The following WDR33 variants were observed in gnomAD, a reference collection of about 807,000 sequenced individuals.
The protein encoded by WDR33 is pre-mRNA 3' end processing protein WDR33.
WDR33 carries 47 observed loss-of-function variants against 164.9 expected under a neutral mutation model. The ratio of observed to expected loss-of-function variants is 0.29; its 90% CI spans 0.23 to 0.36. WDR33 has a LOEUF of 0.36. WDR33 is among the 10% of genes least tolerant of loss of function. The probability of loss-of-function intolerance (pLI) is 1.00; values close to 1 mark genes in which losing one functional copy is unlikely to be tolerated. For missense variants in WDR33, 1,137 were observed against 1,754.1 expected, an observed-to-expected ratio of 0.65 and a Z score of 6.28; for synonymous variants, 505 against 589.0, an observed-to-expected ratio of 0.86 and a Z score of 2.06.
intron 7 of WDR33, among the ~76,000 whole-genome samples, chr2:127,757,868 T>G (rs1687565205): frequency 6.6e-6 from 1 of 152,142 alleles, no homozygotes; most frequent in Non-Finnish European, 1.5e-5. Flanking sequence ...AAGATCTTTG[T>G]GTAGACAGCA....
At chr2:127,792,273 C>G (rs182662815) in intron 1 of WDR33, among the ~76,000 whole-genome samples, 92 of 152,120 alleles carry the variant, frequency 6.0e-4, no homozygotes, top group African/African-American at 2.1e-3. Context: ...GAAAACAGTT[C>G]TGACCTCACT....
chr2:127,717,211 C>T lies in WDR33; in HGVS notation c.2813G>A (p.Gly938Glu), dbSNP rs886293482. 5 of 1,609,230 alleles carry T rather than the reference C, an allele frequency of 3.1e-6. No individual in the cohort carries two copies. The highest frequency in any genetic ancestry group is 4.2e-6 in the Non-Finnish European group (5 of 1,177,742). ...CAGAGGGGGAATGCGACCTTGTGCTCCCTGCTGCCCTAGGCCTGGTATCAG... is the reference window on the plus strand; with the variant it reads ...CAGAGGGGGAATGCGACCTTGTGCTTCCTGCTGCCCTAGGCCTGGTATCAG... ...PPLIPGLGQQ[G>E]AQGRIPPLNP... Residue 938 changes from glycine to glutamate, a missense_variant, in exon 17 of 22, where the codon GGA becomes GAA. Physicochemically the swap from Gly to Glu is moderately conservative, Grantham distance 98 (BLOSUM62 -2). This residue lies in a region of WDR33 where 867 missense variants were observed against 1,073.0 expected (regional missense o/e 0.81). Coordinates refer to ENST00000322313, the MANE Select transcript of WDR33 (RefSeq NM_018383.5). This position sits in a 1 kb window ranked among gnomAD's most constrained non-coding sequence, Gnocchi z 5.6.
intron 7 of WDR33, among the ~76,000 whole-genome samples, chr2:127,754,880 G>T (rs972599419): frequency 5.3e-5 from 8 of 151,868 alleles, no homozygotes; most frequent in Non-Finnish European, 7.4e-5. Flanking sequence ...AACTATAATC[G>T]CAAGTCTCTT....
In WDR33 at chr2:127,712,239, A is replaced by C. The variant is rs1686199616; in HGVS notation, c.3308+1344T>G. 6.6e-6 allele frequency among the ~76,000 whole-genome samples: 1 copy of C among 152,064 alleles called. No individual in the cohort carries two copies. Among genetic ancestry groups the C allele is most frequent in the Non-Finnish European group, 1.5e-5 (1 of 67,986 alleles). ...TGGTGAAACCTCATCTCTACTAAAA[A>C]TACAAAAATTAGCCAGGCAAGGTGG... On this transcript the variant is annotated intron_variant, in intron 18 of 21. Coordinates refer to ENST00000322313, the MANE Select transcript of WDR33 (RefSeq NM_018383.5). This position sits in a 1 kb window ranked among gnomAD's most constrained non-coding sequence, Gnocchi z 4.0.
chr2:127,799,419 G>A lies in WDR33; in HGVS notation c.-24+11593C>T, dbSNP rs772286716. Among the ~76,000 whole-genome samples the A allele has an allele frequency of 1.7e-4, 26 of 152,212 alleles. 3 individuals are homozygous for A. The highest frequency in any genetic ancestry group is 5.8e-4 in the African/African-American group (24 of 41,502). On this transcript the variant is annotated intron_variant, in intron 1 of 21. Coordinates refer to ENST00000322313, the MANE Select transcript of WDR33 (RefSeq NM_018383.5). ...GATGAGACTTGCATCCAGAATACAC[G>A]AAGAACTCTTAAAACTCAATAATAA...
Position 127,763,378 on chromosome 2 carries a change from A to G in WDR33, c.627-219T>C. On this transcript the variant is annotated intron_variant, in intron 6 of 21. Coordinates refer to ENST00000322313, the MANE Select transcript of WDR33 (RefSeq NM_018383.5). The surrounding 1 kb of genome is among the most constrained non-coding windows in gnomAD (Gnocchi z 4.5). ...GTTGTTTGAGTTTTCAATCATCAGTATTCTGAGAACTTCAAGTGTGTATTA... is the reference window on the plus strand; with the variant it reads ...GTTGTTTGAGTTTTCAATCATCAGTGTTCTGAGAACTTCAAGTGTGTATTA... The G allele has an allele frequency of 1.5e-6, 2 of 1,375,940 alleles. No homozygotes were observed. The highest frequency in any genetic ancestry group is 1.9e-6 in the Non-Finnish European group (2 of 1,063,382). The allele number at this position is 1,375,940 out of a possible 1,614,324, so 85.2% of individuals were successfully genotyped here.
At position 127,723,240 on chromosome 2, in the gene WDR33, G is replaced by T. The variant is rs1366799256; in HGVS notation, c.1291+13C>A. 1 of 1,607,252 alleles carries T rather than the reference G, an allele frequency of 6.2e-7. No individual in the cohort carries two copies. Among genetic ancestry groups the T allele is most frequent in the Admixed American group, 1.7e-5 (1 of 59,752 alleles). On this transcript the variant is annotated intron_variant, in intron 12 of 21. Coordinates refer to ENST00000322313, the MANE Select transcript of WDR33 (RefSeq NM_018383.5). This position sits in a 1 kb window ranked among gnomAD's most constrained non-coding sequence, Gnocchi z 5.9. ...CCAGATTTCAAAGAAGGACAGATGT[G>T]CAAGAGTCTCACCATATTCTACTCC...
chr2:127,798,264 G>A (rs551882581), intron 1 of WDR33, among the ~76,000 whole-genome samples: 3 of 151,008 alleles, frequency 2.0e-5, no homozygotes, highest in South Asian at 4.2e-4. Flanking sequence ...GCTACCAGGG[G>A]GGCTGAGGCA....
Position 127,770,329 on chromosome 2 carries a change from G to A in WDR33, c.204+449C>T, listed in dbSNP as rs181331430. Among the ~76,000 whole-genome samples the A allele has an allele frequency of 2.7e-3, 411 of 152,218 alleles. 4 individuals are homozygous for A. The highest frequency in any genetic ancestry group is 1.5e-3 in the Non-Finnish European group (101 of 68,018). On this transcript the variant is annotated intron_variant, in intron 2 of 21. Coordinates refer to ENST00000322313, the MANE Select transcript of WDR33 (RefSeq NM_018383.5). This position sits in a 1 kb window ranked among gnomAD's most constrained non-coding sequence, Gnocchi z 4.9. Reference sequence around the variant, plus strand: ...AAATTAGCCAATTTGAAATTCCACCGTGTCCCACTAATTCAACTAACACAG... The same window carrying A: ...AAATTAGCCAATTTGAAATTCCACCATGTCCCACTAATTCAACTAACACAG...
intron 1 of WDR33, among the ~76,000 whole-genome samples, chr2:127,778,788 G>C (rs1162761044): frequency 3.9e-5 from 6 of 152,228 alleles, no homozygotes; most frequent in African/African-American, 1.4e-4. Flanking sequence ...AATTCACTCA[G>C]CATACCAAGG....
rs1279633304 is a variant in WDR33, at chr2:127,750,694, ATATATATATATATATATATG to A, written c.724+12348_724+12367del. On this transcript the variant is annotated intron_variant, in intron 7 of 21. Transcript: ENST00000322313. ...AAAAAAAAAATATATATATATATAT[ATATATATATATATATATATG>A]TATGTATGCATACATATATATGTAT... Among the ~76,000 whole-genome samples, 72 of 59,544 alleles carry A rather than the reference ATATATATATATATATATATG, an allele frequency of 1.2e-3. 1 individual carries two copies. Among genetic ancestry groups the A allele is most frequent in the African/African-American group, 4.2e-3 (46 of 10,838 alleles). The allele number at this position is 59,544 out of a possible 152,430, so 39.1% of individuals were successfully genotyped here.
rs756232497 is a variant in WDR33, at chr2:127,720,190, A to C, written c.1835T>G (p.Met612Arg). Reference sequence around the variant, plus strand: ...TGGAGGCCCCATTTGAGCCATGTTCATTGGCATCTGCTGAGATGGATGGGG... The same window carrying C: ...TGGAGGCCCCATTTGAGCCATGTTCCTTGGCATCTGCTGAGATGGATGGGG... ...QQPHPSQQMP[M>R]NMAQMGPPGP... Residue 612 changes from methionine (M) to arginine (R), a missense_variant, in exon 16 of 22, where the codon ATG becomes AGG. Transcript: ENST00000322313. This position sits in a 1 kb window ranked among gnomAD's most constrained non-coding sequence, Gnocchi z 5.9. 4 of 1,612,750 alleles carry C rather than the reference A, an allele frequency of 2.5e-6. No individual in the cohort carries two copies. The South Asian group carries it at 3.3e-5, about 13-fold the overall frequency.
Position 127,726,518 on chromosome 2 carries a change from T to C in WDR33, c.851+133A>G, listed in dbSNP as rs1308808023. ...AATCATATTTAATTCATAAGAAGTCTATAGATCCAAGTCCATCTGTTGCCT... is the reference window on the plus strand; with the variant it reads ...AATCATATTTAATTCATAAGAAGTCCATAGATCCAAGTCCATCTGTTGCCT... On this transcript the variant is annotated intron_variant, in intron 8 of 21. Transcript: ENST00000322313. This position sits in a 1 kb window ranked among gnomAD's most constrained non-coding sequence, Gnocchi z 4.8. 1 of 1,220,660 alleles carries C rather than the reference T, an allele frequency of 8.2e-7. No individual in the cohort carries two copies. The highest frequency in any genetic ancestry group is 1.1e-6 in the Non-Finnish European group (1 of 889,600). 75.6% of individuals were successfully genotyped at this position (1,220,660 alleles called of 1,614,324 possible).
At chr2:127,789,846 T>C (rs995877648) in intron 1 of WDR33, among the ~76,000 whole-genome samples, 6 of 151,942 alleles carry the variant, frequency 3.9e-5, no homozygotes, top group Non-Finnish European at 5.9e-5. Flanking sequence ...AAAAAAAAAT[T>C]TTTTTTTGAG....
chr2:127,741,299 AAG>A lies in WDR33; in HGVS notation c.725-14524_725-14523del, dbSNP rs1356844171. ...TGAAAATGGAAAGAAGTGGAGGGCA[AAG>A]AGAGAATGGGAGAGGAGGAGAAAAA... On this transcript the variant is annotated intron_variant, in intron 7 of 21. Coordinates refer to ENST00000322313, the MANE Select transcript of WDR33 (RefSeq NM_018383.5). The surrounding 1 kb of genome is among the most constrained non-coding windows in gnomAD (Gnocchi z 4.1). Among the ~76,000 whole-genome samples, 2 of 152,216 alleles carry A rather than the reference AAG, an allele frequency of 1.3e-5. No homozygotes were observed. The highest frequency in any genetic ancestry group is 2.9e-5 in the Non-Finnish European group (2 of 68,032).
chr2:127,742,596 A>T (rs531969751), intron 7 of WDR33, among the ~76,000 whole-genome samples: 47 of 151,862 alleles, frequency 3.1e-4, no homozygotes, highest in Admixed American at 6.6e-4. Flanking sequence ...ATTGAAAAGT[A>T]AATCAGTATT....
chr2:127,775,098 C>T (rs1458545725), intron 1 of WDR33, among the ~76,000 whole-genome samples: 2 of 152,146 alleles, frequency 1.3e-5, no homozygotes, highest in African/African-American at 2.4e-5. Context: ...CCAAATCCCA[C>T]TGAATTATAC....
intron 4 of WDR33, among the ~76,000 whole-genome samples, chr2:127,767,753 G>A (rs1388166218): frequency 6.6e-6 from 1 of 152,078 alleles, no homozygotes; most frequent in East Asian, 1.9e-4. Flanking sequence ...CAGTTTAAAT[G>A]TATTAAGTGC....
At chr2:127,731,056 G>A (rs1423011126) in intron 7 of WDR33, among the ~76,000 whole-genome samples, 1 of 152,004 alleles carries the variant, frequency 6.6e-6, no homozygotes, top group Non-Finnish European at 1.5e-5. Flanking sequence ...CACTTTGGGA[G>A]GCCAAGGTGG....
Sources: allele counts gnomAD v4.1 joint callset (sites outside exome capture counted in the v4.1 genomes callset), GRCh38; gene constraint gnomAD v4.1.1; regional missense constraint gnomAD v4.1.1; non-coding constraint Gnocchi (gnomAD v3.1); transcripts MANE v1.5; gene names NCBI Gene and HGNC (gene_info 2026-07-23, HGNC 2026-07-21).